Variants in DPYSL5 observed in about 807,000 individuals in gnomAD.
DPYSL5 encodes the protein dihydropyrimidinase-related protein 5.
DPYSL5 carries 9 observed loss-of-function variants against 58.4 expected under a neutral mutation model. The observed-to-expected ratio is 0.15, with a 90% CI of 0.09 to 0.27. The LOEUF (loss-of-function observed/expected upper bound fraction) is 0.27. Among genes scored for constraint, DPYSL5 ranks in the 10% least tolerant of loss-of-function variants. DPYSL5 has a pLI of 1.00. For missense variants in DPYSL5, 499 were observed against 770.6 expected, an observed-to-expected ratio of 0.65 and a Z score of 4.17; for synonymous variants, 293 against 301.9, an observed-to-expected ratio of 0.97 and a Z score of 0.31.
chr2:26,891,829 C>T (rs962737674), intron 1 of DPYSL5, among the ~76,000 whole-genome samples: 8 of 152,034 alleles, frequency 5.3e-5, no homozygotes, highest in South Asian at 2.1e-4. Flanking sequence ...TGCACTACCA[C>T]GCCCAGCTAA....
At chr2:26,884,066 C>A (rs1663644292) in intron 1 of DPYSL5, among the ~76,000 whole-genome samples, 1 of 152,164 alleles carries the variant, frequency 6.6e-6, no homozygotes, top group Admixed American at 6.5e-5. Context: ...TGCCATCCTT[C>A]CAGGGGAGAT....
chr2:26,906,600 C>T (rs1664300226), intron 2 of DPYSL5, among the ~76,000 whole-genome samples: 1 of 152,170 alleles, frequency 6.6e-6, no homozygotes, highest in Non-Finnish European at 1.5e-5. Flanking sequence ...ATCCCTCCCA[C>T]ACTCAGTGAG....
chr2:26,929,974 T>A (rs1211700269), intron 5 of DPYSL5, among the ~76,000 whole-genome samples: 1 of 152,156 alleles, frequency 6.6e-6, no homozygotes, highest in Admixed American at 6.5e-5. Flanking sequence ...GATGGGTGGT[T>A]GGTTATCCAT....
At chr2:26,866,308 G>A (rs770123851) in intron 1 of DPYSL5, among the ~76,000 whole-genome samples, 12 of 152,156 alleles carry the variant, frequency 7.9e-5, no homozygotes, top group Non-Finnish European at 1.6e-4. Context: ...AAATTTGACT[G>A]GGTGAGTATA....
chr2:26,911,499 G>A (rs1199508298), intron 2 of DPYSL5, among the ~76,000 whole-genome samples: 2 of 152,068 alleles, frequency 1.3e-5, no homozygotes, highest in Non-Finnish European at 2.9e-5. Flanking sequence ...TTATTTGGAG[G>A]GAAAAATCTA....
intron 1 of DPYSL5, among the ~76,000 whole-genome samples, chr2:26,864,894 G>T (rs1666103378): frequency 6.6e-6 from 1 of 152,134 alleles, no homozygotes; most frequent in Non-Finnish European, 1.5e-5. Context: ...TCTATGTGCT[G>T]AGGGGAGTCC....
chr2:26,928,378 T>A (rs1664879389), intron 5 of DPYSL5, 55 bp downstream of exon 5: 1 of 1,573,964 alleles, frequency 6.4e-7, no homozygotes, highest in South Asian at 1.1e-5. Flanking sequence ...ATTGACAGAA[T>A]CTTCCAGGAT....
At chr2:26,943,746 C>T (rs1665386707) in intron 11 of DPYSL5, among the ~76,000 whole-genome samples, 1 of 152,220 alleles carries the variant, frequency 6.6e-6, no homozygotes, top group East Asian at 1.9e-4. Context: ...GTAACTTGCA[C>T]AAAGCCACAC....
chr2:26,927,516 G>A lies in DPYSL5; in HGVS notation c.600+84G>A. The A allele has an allele frequency of 6.7e-7, 1 of 1,492,518 alleles. No homozygotes were observed. The highest frequency in any genetic ancestry group is 9.1e-7 in the Non-Finnish European group (1 of 1,104,584). The allele number at this position is 1,492,518 out of a possible 1,614,324, so 92.5% of individuals were successfully genotyped here. On this transcript the variant is annotated intron_variant, in intron 4 of 12. Transcript: ENST00000288699. This position sits in a 1 kb window ranked among gnomAD's most constrained non-coding sequence, Gnocchi z 4.3. ...AGGGGATTCCTGACCACCCGTCACT[G>A]ATCCCACAGGATTCAGACAAAATCA...
chr2:26,882,908 T>TAAAAAA (rs74378520), intron 1 of DPYSL5, among the ~76,000 whole-genome samples: 1 of 100,122 alleles, frequency 1.0e-5, no homozygotes, highest in Non-Finnish European at 2.0e-5. Context: ...GAGACTATCT[T>TAAAAAA]AAAAAAAAAA....
chr2:26,871,745 A>C (rs892693950), intron 1 of DPYSL5, among the ~76,000 whole-genome samples: 1 of 152,134 alleles, frequency 6.6e-6, no homozygotes, highest in Non-Finnish European at 1.5e-5. Flanking sequence ...CCAGCCAGAA[A>C]CATTACTTAA....
At chr2:26,936,559 G>A (rs907441327) in intron 8 of DPYSL5, among the ~76,000 whole-genome samples, 2 of 152,124 alleles carry the variant, frequency 1.3e-5, no homozygotes, top group African/African-American at 2.4e-5. Flanking sequence ...GGTGCCAGGC[G>A]GCAGCAGCTC....
intron 5 of DPYSL5, among the ~76,000 whole-genome samples, chr2:26,928,749 A>C (rs1345197980): frequency 1.1e-5 from 1 of 88,544 alleles, no homozygotes; most frequent in Non-Finnish European, 2.5e-5. Flanking sequence ...ACGCACACAC[A>C]TACGTGTGTG....
chr2:26,919,150 A>C (rs1664646633), intron 2 of DPYSL5, among the ~76,000 whole-genome samples: 1 of 152,218 alleles, frequency 6.6e-6, no homozygotes, highest in South Asian at 2.1e-4. Context: ...CTGAAGGGCC[A>C]CAAGTATCTG....
At chr2:26,895,821 C>T (rs1014900872) in intron 1 of DPYSL5, among the ~76,000 whole-genome samples, 1 of 142,656 alleles carries the variant, frequency 7.0e-6, no homozygotes, top group Non-Finnish European at 1.5e-5. Flanking sequence ...CGCTGTGTCG[C>T]CCAGGCTGAA....
chr2:26,915,782 ACAAAGGACCTGTGCTTC>A (rs1172627417), intron 2 of DPYSL5, among the ~76,000 whole-genome samples: 5 of 152,110 alleles, frequency 3.3e-5, no homozygotes, highest in African/African-American at 1.2e-4. Context: ...GAAGTCTGGG[ACAAAGGACCTGTGCTTC>A]CTCAGCTCTC....
intron 5 of DPYSL5, among the ~76,000 whole-genome samples, chr2:26,930,923 A>G (rs1249435038): frequency 2.6e-5 from 4 of 151,060 alleles, no homozygotes; most frequent in Non-Finnish European, 5.9e-5. Context: ...GCAGTGAGCC[A>G]AGATTGCGCC....
intron 2 of DPYSL5, among the ~76,000 whole-genome samples, chr2:26,913,938 C>T: frequency 7.2e-6 from 1 of 138,254 alleles, no homozygotes; most frequent in Non-Finnish European, 1.5e-5. Flanking sequence ...TCATGTATTT[C>T]TAGTTCCAAA....
rs1341342969 is a variant in DPYSL5 at position 26,887,435 on chromosome 2, C to T, written c.-4-11061C>T. ...AGGCTCTCCTTGTCTCACACCTCCC[C>T]GCAGGCCCAGGGGAGCTGGGGAAGG... On this transcript the variant is annotated intron_variant, in intron 1 of 12. Transcript: ENST00000288699. Among the ~76,000 whole-genome samples, 3 of 152,232 alleles carry T rather than the reference C, an allele frequency of 2.0e-5. No individual in the cohort carries two copies. The East Asian group carries it at 5.8e-4, about 29-fold the overall frequency.
Sources: gnomAD v4.1 joint callset for allele counts (sites outside exome capture counted in the v4.1 genomes callset) on GRCh38, gnomAD v4.1.1 for gene constraint, Gnocchi (gnomAD v3.1) non-coding constraint, MANE v1.5 for transcripts, NCBI Gene and HGNC (gene_info 2026-07-23, HGNC 2026-07-21) for gene names.